The following TRPM7 variants were observed in gnomAD, a reference collection of about 807,000 sequenced individuals.
The protein encoded by TRPM7 is LTRPC ion channel family member 7.
A neutral mutation model predicts 229.7 loss-of-function variants in TRPM7; 134 were observed. The ratio of observed to expected loss-of-function variants is 0.58; its 90% CI spans 0.51 to 0.67. The LOEUF is 0.67. TRPM7 is among the 30% of genes least tolerant of loss of function. The pLI is 0.00. For missense variants in TRPM7, 1,901 were observed against 2,210.0 expected, an observed-to-expected ratio of 0.86 and a Z score of 2.80; for synonymous variants, 699 against 715.2, an observed-to-expected ratio of 0.98 and a Z score of 0.36.
intron 27 of TRPM7, among the ~76,000 whole-genome samples, chr15:50,586,977 C>T (rs561084955): frequency 2.0e-5 from 3 of 152,242 alleles, no homozygotes; most frequent in South Asian, 4.2e-4. Flanking sequence ...GATCAAGCCA[C>T]TGCACTCCAG....
chr15:50,593,441 C>T (rs1430920051), intron 25 of TRPM7, among the ~76,000 whole-genome samples, 176 bp downstream of exon 25: 1 of 152,070 alleles, frequency 6.6e-6, no homozygotes, highest in Non-Finnish European at 1.5e-5. Context: ...AAGAGACTGA[C>T]CAACTGACTT....
At chr15:50,584,164 T>TA (rs142388391) in intron 28 of TRPM7, among the ~76,000 whole-genome samples, 2,231 of 152,260 alleles carry the variant, frequency 0.015, 61 homozygotes, top group African/African-American at 0.051. Context: ...AGAGAAAGCT[T>TA]ACAATTTTAC....
chr15:50,649,971 G>C (rs758840816), intron 3 of TRPM7, among the ~76,000 whole-genome samples: 3 of 152,010 alleles, frequency 2.0e-5, no homozygotes, highest in Non-Finnish European at 4.4e-5. Context: ...GAGACGGGCA[G>C]ATTACCTGAG....
intron 31 of TRPM7, among the ~76,000 whole-genome samples, 171 bp from the exon 32 acceptor site, chr15:50,576,090 A>T (rs556217258): frequency 1.3e-5 from 2 of 152,250 alleles, no homozygotes; most frequent in Non-Finnish European, 2.9e-5. Context: ...ACCCTATTTC[A>T]TTATGCCAGA....
At chr15:50,625,739 C>T (rs940289342) in intron 11 of TRPM7, among the ~76,000 whole-genome samples, 12 of 152,140 alleles carry the variant, frequency 7.9e-5, no homozygotes, top group Admixed American at 7.9e-4. Flanking sequence ...ATGCCTTTTA[C>T]ATGATGGAAT....
chr15:50,561,960 T>C (rs1244325252), intron 38 of TRPM7, 152 bp from the exon 39 acceptor site: 5 of 719,666 alleles, frequency 6.9e-6, no homozygotes, highest in Non-Finnish European at 1.0e-5. Flanking sequence ...AATGGCGCGA[T>C]CTCGGTTCAC....
chr15:50,623,185 G>A (rs1052810155), intron 12 of TRPM7, among the ~76,000 whole-genome samples: 7 of 151,562 alleles, frequency 4.6e-5, no homozygotes, highest in South Asian at 2.1e-4. Flanking sequence ...AGGCTGAGGC[G>A]GGCAGATCAC....
intron 38 of TRPM7, among the ~76,000 whole-genome samples, chr15:50,562,048 C>T (rs1056784482): frequency 6.6e-6 from 1 of 152,086 alleles, no homozygotes; most frequent in African/African-American, 2.4e-5. Flanking sequence ...GCATGCACCA[C>T]CATGCCCGGC....
intron 2 of TRPM7, among the ~76,000 whole-genome samples, chr15:50,658,593 A>G (rs137870513): frequency 1.1e-4 from 16 of 151,790 alleles, no homozygotes; most frequent in African/African-American, 3.9e-4. Context: ...AAAAGACATT[A>G]TCTTGGCAAG....
intron 13 of TRPM7, among the ~76,000 whole-genome samples, chr15:50,615,073 A>G (rs972577196): frequency 1.4e-5 from 2 of 147,042 alleles, no homozygotes; most frequent in African/African-American, 2.5e-5. Context: ...TGGGAGGCTG[A>G]GGTAGGAAAA....
At chr15:50,655,216 AC>A (rs1296730651) in intron 3 of TRPM7, among the ~76,000 whole-genome samples, 1 of 151,814 alleles carries the variant, frequency 6.6e-6, no homozygotes, top group East Asian at 1.9e-4. Flanking sequence ...CGGGCGAATC[AC>A]GAGGTCAGGA....
chr15:50,589,549 AAAAT>A (rs765124787), intron 27 of TRPM7, 39 bp downstream of exon 27: 1 of 1,333,882 alleles, frequency 7.5e-7, no homozygotes, highest in South Asian at 1.3e-5. Context: ...TCAAGACAGT[AAAAT>A]AAATAGAACT....
chr15:50,596,667 A>G lies in TRPM7; in HGVS notation c.3164-286T>C, dbSNP rs145591776. 2.0e-5 allele frequency among the ~76,000 whole-genome samples: 3 copies of G among 152,332 alleles called. No homozygotes were observed. In the East Asian group the frequency reaches 5.8e-4, roughly 29 times the overall value. The stretch of plus-strand genomic sequence containing the variant: ...ATTTAGGTGTTATATTTACCCTTCG[A>G]GGCAGGGTTTAACCTGACGAGCACT... On this transcript the variant is annotated intron_variant, in intron 22 of 38. Transcript: ENST00000646667.
At chr15:50,673,029 A>G (rs8032402) in intron 1 of TRPM7, among the ~76,000 whole-genome samples, 150,899 of 152,080 alleles carry the variant, frequency 0.99, 74,877 homozygotes, top group Middle Eastern at 1. Flanking sequence ...ATGTTTACAA[A>G]TCTGTTAAAT....
At chr15:50,589,488 T>G (rs1445066357) in intron 27 of TRPM7, 104 bp downstream of exon 27, 1 of 809,276 alleles carries the variant, frequency 1.2e-6, no homozygotes, top group Non-Finnish European at 2.0e-6. Context: ...TGATATCTGC[T>G]AAAACTGTAT....
intron 3 of TRPM7, among the ~76,000 whole-genome samples, chr15:50,654,125 A>G (rs1233642744): frequency 6.6e-6 from 1 of 152,202 alleles, no homozygotes; most frequent in Non-Finnish European, 1.5e-5. Flanking sequence ...CCTTACAGGA[A>G]AATTATTTAC....
chr15:50,580,924 A>AAAC lies in TRPM7; in HGVS notation c.4558-17_4558-16insGTT, dbSNP rs1555403959. 1.4e-4 allele frequency: 221 copies of AAAC among 1,570,476 alleles called. No homozygotes were observed. The highest frequency in any genetic ancestry group is 5.1e-4 in the Middle Eastern group (3 of 5,830). The stretch of plus-strand genomic sequence containing the variant: ...GTAACCAATCCTTCAGTAAAAAAAA[A>AAAC]ACACACACACACAAAAACCTTAAAG... On this transcript the variant is annotated splice_polypyrimidine_tract_variant and intron_variant, in intron 29 of 38. Coordinates refer to ENST00000646667, the MANE Select transcript of TRPM7 (RefSeq NM_017672.6).
chr15:50,628,085 C>T (rs1596245616), intron 11 of TRPM7, 64 bp downstream of exon 11: 5 of 1,201,342 alleles, frequency 4.2e-6, no homozygotes, highest in South Asian at 2.7e-5. Flanking sequence ...TCACAGTTCC[C>T]GCAAATACTT....
At position 50,686,559 on chromosome 15, in the gene TRPM7, G is replaced by A. The variant is rs770834184; in HGVS notation, c.-26C>T. ...TCTCCTCACGGGGCGGACTCCGGAA[G>A]GGCAGCAACTCCACCTCCTCCTCCT... is the stretch of plus-strand genomic sequence containing the variant. On this transcript the variant is annotated 5_prime_UTR_variant, in exon 1 of 39. Coordinates refer to ENST00000646667, the MANE Select transcript of TRPM7 (RefSeq NM_017672.6). 2 of 1,609,494 alleles carry A rather than the reference G, an allele frequency of 1.2e-6. No individual in the cohort carries two copies. Among genetic ancestry groups the A allele is most frequent in the Admixed American group, 1.7e-5 (1 of 59,750 alleles).
Sources: allele counts gnomAD v4.1 joint callset (sites outside exome capture counted in the v4.1 genomes callset), GRCh38; gene constraint gnomAD v4.1.1; transcripts MANE v1.5; gene names NCBI Gene and HGNC (gene_info 2026-07-23, HGNC 2026-07-21).